Variants in PALLD observed in about 807,000 individuals in gnomAD.
PALLD encodes palladin, cytoskeletal associated protein, also known as palladin.
PALLD carries 61 observed loss-of-function variants against 123.5 expected under a neutral mutation model. That is an observed-to-expected ratio of 0.49 (90% CI 0.40 to 0.61). The LOEUF is 0.61. Ranked by LOEUF, PALLD falls within the 20% of genes least tolerant of loss-of-function variation. The pLI, the probability that PALLD is intolerant of heterozygous loss-of-function variation, is 0.00. For missense variants in PALLD, 1,273 were observed against 1,377.0 expected, an observed-to-expected ratio of 0.92 and a Z score of 1.20; for synonymous variants, 465 against 496.4, an observed-to-expected ratio of 0.94 and a Z score of 0.84.
intron 11 of PALLD, among the ~76,000 whole-genome samples, chr4:168,893,737 C>T (rs1754531477): frequency 6.6e-6 from 1 of 152,196 alleles, no homozygotes; most frequent in African/African-American, 2.4e-5. Context: ...CCAACAGTCA[C>T]ACAAAAATGC....
chr4:168,685,360 A>G (rs1781931882), intron 5 of PALLD, 125 bp from the exon 6 acceptor site: 1 of 757,364 alleles, frequency 1.3e-6, no homozygotes. Flanking sequence ...AAAATGATGT[A>G]TGGTGGTACT....
intron 2 of PALLD, among the ~76,000 whole-genome samples, chr4:168,567,943 A>G (rs1230167569): frequency 1.3e-5 from 2 of 152,086 alleles, no homozygotes; most frequent in African/African-American, 4.8e-5. Context: ...CTAAATCTAT[A>G]AAGTTTTTTA....
At chr4:168,922,244 A>C (rs1437446326) in intron 18 of PALLD, among the ~76,000 whole-genome samples, 1 of 152,066 alleles carries the variant, frequency 6.6e-6, no homozygotes, top group Non-Finnish European at 1.5e-5. Flanking sequence ...AATTCTGTAA[A>C]AGTGCTGTTA....
At chr4:168,889,138 T>TTGTGTGTGTG (rs143065658) in intron 10 of PALLD, among the ~76,000 whole-genome samples, 9,068 of 132,046 alleles carry the variant, frequency 0.069, 441 homozygotes, top group Non-Finnish European at 0.092. Flanking sequence ...TTGCTTTATT[T>TTGTGTGTGTG]TGTGTGTGTG....
intron 14 of PALLD, among the ~76,000 whole-genome samples, chr4:168,903,144 AT>A (rs1372294318): frequency 3.9e-5 from 6 of 152,004 alleles, no homozygotes; most frequent in Non-Finnish European, 2.9e-5. Context: ...CTTTAACATA[AT>A]GGGGATAGGT....
chr4:168,916,272 C>A (rs968331227), intron 17 of PALLD, among the ~76,000 whole-genome samples: 8 of 151,982 alleles, frequency 5.3e-5, no homozygotes, highest in African/African-American at 1.9e-4. Flanking sequence ...GTTAGCCAGG[C>A]GTGGTGGCGT....
intron 10 of PALLD, among the ~76,000 whole-genome samples, chr4:168,784,996 G>T (rs1216485563): frequency 2.0e-5 from 3 of 148,380 alleles, no homozygotes; most frequent in Non-Finnish European, 3.0e-5. Context: ...GTACATTCCA[G>T]CCCAGGGTGG....
At chr4:168,919,096 A>G (rs1760866354) in intron 17 of PALLD, among the ~76,000 whole-genome samples, 1 of 152,336 alleles carries the variant, frequency 6.6e-6, no homozygotes, top group African/African-American at 2.4e-5. Flanking sequence ...CATATTTAAG[A>G]AAGAAATAAC....
chr4:168,552,131 G>A (rs1222144118), intron 2 of PALLD, among the ~76,000 whole-genome samples: 2 of 152,116 alleles, frequency 1.3e-5, no homozygotes, highest in South Asian at 2.1e-4. Flanking sequence ...TCTCAGAGAT[G>A]TTAGTTTAAG....
In PALLD at chr4:168,790,645, T is replaced by G. The variant is rs1011844013; in HGVS notation, c.1964+78722T>G. Among the ~76,000 whole-genome samples the G allele has an allele frequency of 8.0e-4, 122 of 152,320 alleles. 1 individual carries two copies. The highest frequency in any genetic ancestry group is 2.8e-3 in the African/African-American group (118 of 41,578). On this transcript the variant is annotated intron_variant, in intron 10 of 21. Transcript: ENST00000505667. ...GCTTATGGCTCTTTCTGATGTTCTGTTCTATGCTGTTGTCCTCTATGTCTT... is the reference window on the plus strand; with the variant it reads ...GCTTATGGCTCTTTCTGATGTTCTGGTCTATGCTGTTGTCCTCTATGTCTT...
At chr4:168,703,925 G>A (rs968049147) in intron 8 of PALLD, among the ~76,000 whole-genome samples, 1 of 151,766 alleles carries the variant, frequency 6.6e-6, no homozygotes, top group Non-Finnish European at 1.5e-5. Context: ...TAGATCCCAT[G>A]TGTCAATTTT....
rs1232100427 is a variant in PALLD at position 168,711,465 on chromosome 4, CTCT to C, written c.1622-111_1622-109del. 3.7e-6 allele frequency: 3 copies of C among 800,804 alleles called. No individual in the cohort carries two copies. In the African/African-American group the frequency reaches 5.0e-5, roughly 13 times the overall value. The allele number at this position is 800,804 out of a possible 1,614,324, so 49.6% of individuals were successfully genotyped here. A position where few individuals can be genotyped will look rare whatever the true frequency, so the allele number is the denominator to read the frequency against. ...CGTCAGATGAGAGCAGCACAATCAC[CTCT>C]TCTTTAACAACTTCACACAACACAG... On this transcript the variant is annotated intron_variant, in intron 9 of 21. Coordinates refer to ENST00000505667, the MANE Select transcript of PALLD (RefSeq NM_001166108.2).
chr4:168,538,061 C>T (rs1765259122), intron 2 of PALLD, among the ~76,000 whole-genome samples: 1 of 152,128 alleles, frequency 6.6e-6, no homozygotes, highest in African/African-American at 2.4e-5. Flanking sequence ...AGTGGCAATA[C>T]CAAAACAAGC....
chr4:168,561,420 G>T (rs1308905650), intron 2 of PALLD, among the ~76,000 whole-genome samples: 1 of 151,834 alleles, frequency 6.6e-6, no homozygotes, highest in Admixed American at 6.6e-5. Flanking sequence ...TACAGAGAAT[G>T]GACCATTGTG....
At chr4:168,498,517 T>A (rs1287275047) in intron 1 of PALLD, among the ~76,000 whole-genome samples, 1 of 152,220 alleles carries the variant, frequency 6.6e-6, no homozygotes, top group African/African-American at 2.4e-5. Context: ...CTTTAAGAGA[T>A]ACCAAGTGGA....
At chr4:168,852,519 T>C (rs1326083741) in intron 10 of PALLD, among the ~76,000 whole-genome samples, 4 of 152,104 alleles carry the variant, frequency 2.6e-5, no homozygotes, top group Admixed American at 1.3e-4. Context: ...CTCACACCTG[T>C]AGTGCCAGCT....
At chr4:168,801,003 C>T (rs914983014) in intron 10 of PALLD, among the ~76,000 whole-genome samples, 1 of 152,092 alleles carries the variant, frequency 6.6e-6, no homozygotes, top group Admixed American at 6.5e-5. Flanking sequence ...CAAAAGCATA[C>T]AGACAAAAAG....
intron 10 of PALLD, among the ~76,000 whole-genome samples, chr4:168,712,428 G>C (rs746100862): frequency 1.3e-5 from 2 of 152,154 alleles, no homozygotes; most frequent in Non-Finnish European, 2.9e-5. Context: ...CAGGCTTGTG[G>C]GCAAGAAGAG....
At chr4:168,523,234 G>A (rs769815668) in intron 2 of PALLD, among the ~76,000 whole-genome samples, 2 of 126,768 alleles carry the variant, frequency 1.6e-5, no homozygotes. Context: ...GAGGAGAGGA[G>A]GGGAGGGGAG....
Sources: gnomAD v4.1 joint callset for allele counts (sites outside exome capture counted in the v4.1 genomes callset) on GRCh38, gnomAD v4.1.1 for gene constraint, MANE v1.5 for transcripts, NCBI Gene and HGNC (gene_info 2026-07-23, HGNC 2026-07-21) for gene names.